The following MROH1 variants were observed in gnomAD, a reference collection of about 807,000 sequenced individuals.
The protein encoded by MROH1 is maestro heat like repeat family member 1.
In MROH1, 117 loss-of-function variants were observed where a neutral mutation model predicts 116.5. That is an observed-to-expected ratio of 1.00 (90% CI 0.86 to 1.17). MROH1 has a LOEUF of 1.17. MROH1 is among the 50% of genes most tolerant of loss of function. MROH1 has a pLI of 0.00. For synonymous variants in MROH1, 921 were observed against 583.9 expected, an observed-to-expected ratio of 1.58 and a Z score of -8.32; for missense variants, 1,873 against 1,338.5, an observed-to-expected ratio of 1.40 and a Z score of -6.23.
At chr8:144,229,280 C>G (rs1588351205) in intron 14 of MROH1, among the ~76,000 whole-genome samples, 1 of 152,030 alleles carries the variant, frequency 6.6e-6, no homozygotes, top group Admixed American at 6.6e-5. Context: ...TTCATGGTAT[C>G]TACTATAGTG....
intron 12 of MROH1, among the ~76,000 whole-genome samples, chr8:144,202,736 G>A (rs13279254): frequency 1.7e-5 from 2 of 119,564 alleles, no homozygotes; most frequent in Admixed American, 8.9e-5. Flanking sequence ...GGAGAGGAGC[G>A]CCCGCCATCT....
At chr8:144,231,263 C>G (rs1348230839) in intron 14 of MROH1, among the ~76,000 whole-genome samples, 2 of 151,948 alleles carry the variant, frequency 1.3e-5, no homozygotes, top group Non-Finnish European at 2.9e-5. Flanking sequence ...CCACCTTTCC[C>G]GCCTTTCTAT....
chr8:144,238,604 C>T (rs1032045762), intron 14 of MROH1, among the ~76,000 whole-genome samples, 152 bp from the exon 15 acceptor site: 1 of 152,208 alleles, frequency 6.6e-6, no homozygotes, highest in African/African-American at 2.4e-5. Context: ...GTGATCTTAG[C>T]GGAGAGTGCC....
intron 24 of MROH1, 110 bp from the exon 25 acceptor site, chr8:144,243,384 T>C: frequency 1.4e-6 from 1 of 717,656 alleles, no homozygotes; most frequent in Admixed American, 1.9e-5. Context: ...AGAGCTCCTT[T>C]GAGAGCAGAG....
chr8:144,161,389 A>G (rs1819483000), intron 2 of MROH1, among the ~76,000 whole-genome samples: 1 of 152,140 alleles, frequency 6.6e-6, no homozygotes, highest in South Asian at 2.1e-4. Flanking sequence ...GCAGGTCTCT[A>G]AAGTTCTCTC....
chr8:144,261,065 C>T lies in MROH1; in HGVS notation c.4671+24C>T, dbSNP rs1223870008. On this transcript the variant is annotated intron_variant, in intron 41 of 43. Coordinates refer to ENST00000326134, the MANE Select transcript of MROH1 (RefSeq NM_032450.3). ...TGGTGAGGGGTGGGGCCAGGCGGGG[C>T]GTGGTGGGTGGGGCGGGGCCAGGCG... 25 of 237,798 alleles carry T rather than the reference C, an allele frequency of 1.1e-4. No individual in the cohort carries two copies. In the East Asian group the frequency reaches 1.9e-3, roughly 18 times the overall value. The allele number at this position is 237,798 out of a possible 1,614,324, so 14.7% of individuals were successfully genotyped here. A position where few individuals can be genotyped will look rare whatever the true frequency, so the allele number is the denominator to read the frequency against.
intron 24 of MROH1, 76 bp downstream of exon 24, chr8:144,242,704 G>A (rs927343681): frequency 1.2e-4 from 91 of 738,296 alleles, no homozygotes; most frequent in Non-Finnish European, 2.0e-4. Context: ...GAGCTTCATA[G>A]GCAGAGGCCG....
chr8:144,190,735 C>T lies in MROH1; in HGVS notation c.563-49C>T, dbSNP rs780572868. On this transcript the variant is annotated intron_variant, in intron 7 of 43. Transcript: ENST00000326134. ...GGAGGCAGACATAGGTGCTGAGGAT[C>T]GTCACAAACCCATGGCCTGCAGCCA... 11 of 1,587,600 alleles carry T rather than the reference C, an allele frequency of 6.9e-6. No individual in the cohort carries two copies. In the South Asian group the frequency reaches 9.0e-5, roughly 13 times the overall value.
intron 4 of MROH1, among the ~76,000 whole-genome samples, chr8:144,177,252 G>A (rs1034482925): frequency 6.6e-6 from 1 of 152,184 alleles, no homozygotes; most frequent in African/African-American, 2.4e-5. Flanking sequence ...AGATAGTTGC[G>A]TGATTCTGAA....
intron 14 of MROH1, among the ~76,000 whole-genome samples, chr8:144,236,319 G>A (rs1350135274): frequency 6.6e-6 from 1 of 152,170 alleles, no homozygotes; most frequent in Non-Finnish European, 1.5e-5. Flanking sequence ...TGTTGATCTT[G>A]TTAGTTCTGA....
At chr8:144,176,625 A>G (rs1824022967) in intron 4 of MROH1, among the ~76,000 whole-genome samples, 1 of 150,970 alleles carries the variant, frequency 6.6e-6, no homozygotes, top group African/African-American at 2.4e-5. Context: ...GCGGATCACA[A>G]GGTCAGGAGC....
intron 1 of MROH1, among the ~76,000 whole-genome samples, chr8:144,149,171 A>T (rs1282574034): frequency 6.6e-6 from 1 of 152,008 alleles, no homozygotes; most frequent in East Asian, 1.9e-4. Flanking sequence ...TGTTTGCGGC[A>T]TGTTTCATAG....
rs1840572517 is a variant in MROH1 at position 144,239,265 on chromosome 8, C to G, written c.1592-58C>G. ...CACTTCCCCATCCTCCAGTTCCTGA[C>G]ACCCGCCCCAGGGCTACAGGCAGCC... On this transcript the variant is annotated intron_variant, in intron 16 of 43. Transcript: ENST00000326134. 3 of 775,916 alleles carry G rather than the reference C, an allele frequency of 3.9e-6. No individual in the cohort carries two copies. In the African/African-American group the frequency reaches 5.1e-5, roughly 13 times the overall value. The allele number at this position is 775,916 out of a possible 1,614,324, so 48.1% of individuals were successfully genotyped here. A position where few individuals can be genotyped will look rare whatever the true frequency, so the allele number is the denominator to read the frequency against.
At chr8:144,206,608 A>G (rs1352225587) in intron 12 of MROH1, among the ~76,000 whole-genome samples, 1 of 151,424 alleles carries the variant, frequency 6.6e-6, no homozygotes, top group Non-Finnish European at 1.5e-5. Context: ...TTTTTAATAG[A>G]GATGGGGTTT....
intron 37 of MROH1, among the ~76,000 whole-genome samples, 168 bp from the exon 38 acceptor site, chr8:144,259,743 G>A (rs1844635254): frequency 6.6e-6 from 1 of 152,262 alleles, no homozygotes; most frequent in Non-Finnish European, 1.5e-5. Context: ...GCAGGCCCCA[G>A]CGGCACAACA....
chr8:144,241,979 G>T (rs1841077976), intron 22 of MROH1, among the ~76,000 whole-genome samples: 1 of 152,236 alleles, frequency 6.6e-6, no homozygotes, highest in Admixed American at 6.5e-5. Flanking sequence ...AGCATGCAGG[G>T]CTTCCCAGCC....
Position 144,239,137 on chromosome 8 carries a change from G to A in MROH1, c.1549G>A (p.Glu517Lys). The A allele has an allele frequency of 1.3e-6, 1 of 771,254 alleles. No homozygotes were observed. The highest frequency in any genetic ancestry group is 2.4e-6 in the Non-Finnish European group (1 of 417,520). 47.8% of individuals were successfully genotyped at this position (771,254 alleles called of 1,614,324 possible). A position where few individuals can be genotyped will look rare whatever the true frequency, so the allele number is the denominator to read the frequency against. ...SLVHLAQKRQ[E>K]AGADAFLIQY... ...CGTGCATCTGGCGCAGAAGAGGCAG[G>A]AGGCCGGGGCCGACGCCTTCCTCAT... Residue 517 changes from glutamate (E) to lysine (K), a missense_variant, in exon 16 of 44, where the codon GAG becomes AAG. Physicochemically the swap from Glu to Lys is moderately conservative, Grantham distance 56. Transcript: ENST00000326134.
rs886648711 is a variant in MROH1, at chr8:144,148,344, C to A, written c.-177+268C>A. Among the ~76,000 whole-genome samples, 30 of 152,280 alleles carry A rather than the reference C, an allele frequency of 2.0e-4. No individual in the cohort carries two copies. The East Asian group carries it at 5.8e-3, about 29-fold the overall frequency. ...CTCTGCGCCGCTAAGTCGTCTCGGC[C>A]GCGCGACCACCCCTCTTCGGGGAGC... is the stretch of plus-strand genomic sequence containing the variant. On this transcript the variant is annotated intron_variant, in intron 1 of 43. Transcript: ENST00000326134.
At chr8:144,256,309 G>T (rs1374393530) in intron 35 of MROH1, among the ~76,000 whole-genome samples, 3 of 152,020 alleles carry the variant, frequency 2.0e-5, no homozygotes, top group Non-Finnish European at 2.9e-5. Context: ...ACCTGCCCAG[G>T]AGGGCTCTGG....
Sources: gnomAD v4.1 joint callset for allele counts (sites outside exome capture counted in the v4.1 genomes callset) on GRCh38, gnomAD v4.1.1 for gene constraint, MANE v1.5 for transcripts, NCBI Gene and HGNC (gene_info 2026-07-23, HGNC 2026-07-21) for gene names.